The following MAF variants were observed in gnomAD, a reference collection of about 807,000 sequenced individuals.
MAF encodes the protein MAF bZIP transcription factor.
A neutral mutation model predicts 22.0 loss-of-function variants in MAF; 10 were observed. That is an observed-to-expected ratio of 0.45 (90% CI 0.28 to 0.77). The LOEUF (loss-of-function observed/expected upper bound fraction) is 0.77. MAF is among the 30% of genes least tolerant of loss of function. MAF has a pLI of 0.12. For synonymous variants in MAF, 337 were observed against 255.8 expected, an observed-to-expected ratio of 1.32 and a Z score of -3.03; for missense variants, 544 against 548.4, an observed-to-expected ratio of 0.99 and a Z score of 0.08.
At chr16:79,384,832 A>G in the MAF span, among the ~76,000 whole-genome samples, 1 of 152,244 alleles carries the variant, frequency 6.6e-6, no homozygotes, top group African/African-American at 2.4e-5. Flanking sequence ...CAGAAGTTAC[A>G]CGAATACTGT....
the MAF span, among the ~76,000 whole-genome samples, chr16:79,566,252 A>G: frequency 4.5e-4 from 69 of 152,318 alleles, no homozygotes; most frequent in African/African-American, 1.6e-3. Flanking sequence ...CCATGCATCA[A>G]TATAGGACAC....
chr16:79,375,378 C>T, the MAF span, among the ~76,000 whole-genome samples: 6 of 152,250 alleles, frequency 3.9e-5, no homozygotes, highest in East Asian at 1.2e-3. Context: ...CTCAGATGCC[C>T]AGATAGTTCA....
chr16:79,479,639 T>C, the MAF span, among the ~76,000 whole-genome samples: 1 of 152,230 alleles, frequency 6.6e-6, no homozygotes, highest in Non-Finnish European at 1.5e-5. Context: ...TCAGGCCAGT[T>C]ATGCGGATCA....
the MAF span, among the ~76,000 whole-genome samples, chr16:79,343,412 T>C: frequency 6.6e-6 from 1 of 152,212 alleles, no homozygotes; most frequent in Non-Finnish European, 1.5e-5. Flanking sequence ...AACTGGGCAA[T>C]TGTGTCATAT....
chr16:79,504,883 G>C, the MAF span, among the ~76,000 whole-genome samples: 4 of 152,040 alleles, frequency 2.6e-5, no homozygotes, highest in African/African-American at 7.2e-5. Context: ...TGCCTTGTAC[G>C]AACACACACA....
the MAF span, among the ~76,000 whole-genome samples, chr16:79,550,869 C>A: frequency 1.3e-5 from 2 of 152,158 alleles, no homozygotes; most frequent in African/African-American, 2.4e-5. Context: ...GAGATTGGCA[C>A]AGATGGCTCA....
chr16:79,595,544 A>G (rs1476753728), intron 1 of MAF: 17 of 1,059,944 alleles, frequency 1.6e-5, no homozygotes, highest in Non-Finnish European at 1.9e-5. Flanking sequence ...TGCAAACTGC[A>G]TGAATTTGTA....
chr16:79,598,940 G>A lies in MAF; in HGVS notation c.963C>T (p.Asn321=). The A allele has an allele frequency of 1.2e-6, 2 of 1,613,690 alleles. No homozygotes were observed. The highest frequency in any genetic ancestry group is 2.2e-5 in the South Asian group (2 of 91,046). The change falls in exon 1 of 2, where the codon AAC becomes AAT. Residue 321 remains asparagine, a synonymous_variant. Coordinates refer to ENST00000326043, the MANE Select transcript of MAF (RefSeq NM_005360.5). ...QQRHVLESEK[N]QLLQQVDHLK... ...GGTGGTCGACTTGCTGCAGCAGCTG[G>A]TTCTTCTCCGACTCCAGGACGTGTC...
chr16:79,481,185 C>T, the MAF span, among the ~76,000 whole-genome samples: 1 of 152,010 alleles, frequency 6.6e-6, no homozygotes. Context: ...CCAAATCTCT[C>T]CAGGACGGGA....
At chr16:79,546,698 G>C in the MAF span, among the ~76,000 whole-genome samples, 2 of 152,132 alleles carry the variant, frequency 1.3e-5, no homozygotes, top group African/African-American at 4.8e-5. Context: ...CAGGGAGCTT[G>C]CTTTCTTTTT....
the MAF span, among the ~76,000 whole-genome samples, chr16:79,569,821 C>A: frequency 2.0e-5 from 3 of 152,252 alleles, no homozygotes; most frequent in East Asian, 5.8e-4. Flanking sequence ...GAACCACCAA[C>A]CTAGAGGGAG....
At chr16:79,499,255 A>C in the MAF span, among the ~76,000 whole-genome samples, 5 of 152,152 alleles carry the variant, frequency 3.3e-5, no homozygotes, top group African/African-American at 1.2e-4. Context: ...CCTGCAGGTC[A>C]AGTTGGATCT....
At chr16:79,297,084 C>A in the MAF span, among the ~76,000 whole-genome samples, 16 of 152,180 alleles carry the variant, frequency 1.1e-4, no homozygotes, top group Non-Finnish European at 1.5e-5. Flanking sequence ...TTCTTACTCC[C>A]AACCAGTCAC....
At chr16:79,384,029 T>C in the MAF span, among the ~76,000 whole-genome samples, 1 of 152,266 alleles carries the variant, frequency 6.6e-6, no homozygotes, top group South Asian at 2.1e-4. Context: ...CGTTACCAAA[T>C]CTTCAGCCAA....
the MAF span, among the ~76,000 whole-genome samples, chr16:79,391,214 C>T: frequency 6.6e-5 from 10 of 152,316 alleles, no homozygotes; most frequent in East Asian, 1.7e-3. Flanking sequence ...CCTCTGCACC[C>T]TGGTTCCCTC....
intron 1 of MAF, chr16:79,598,560 A>G: frequency 7.0e-7 from 1 of 1,435,306 alleles, no homozygotes; most frequent in South Asian, 1.4e-5. Context: ...CACCACCACC[A>G]CAAACTCGAG....
At chr16:79,292,024 G>C in the MAF span, among the ~76,000 whole-genome samples, 2 of 151,790 alleles carry the variant, frequency 1.3e-5, no homozygotes, top group African/African-American at 4.8e-5. Context: ...GCTTAGAATA[G>C]GAAAGATGAC....
the MAF span, among the ~76,000 whole-genome samples, chr16:79,381,943 C>T: frequency 6.6e-6 from 1 of 152,172 alleles, no homozygotes; most frequent in Non-Finnish European, 1.5e-5. Context: ...TCTGGCTCAA[C>T]AGCCCCCTTT....
At chr16:79,379,235 C>A in the MAF span, among the ~76,000 whole-genome samples, 1 of 152,142 alleles carries the variant, frequency 6.6e-6, no homozygotes, top group African/African-American at 2.4e-5. Context: ...GTTGTGTCTA[C>A]CTAGAGAACT....
Sources: allele counts gnomAD v4.1 joint callset (sites outside exome capture counted in the v4.1 genomes callset), GRCh38; gene constraint gnomAD v4.1.1; transcripts MANE v1.5; gene names NCBI Gene and HGNC (gene_info 2026-07-23, HGNC 2026-07-21).